ADH1B: variants seen among roughly 807,000 people sequenced by gnomAD.
ADH1B encodes all-trans-retinol dehydrogenase [NAD(+)] ADH1B.
In ADH1B, 29 loss-of-function variants were observed where a neutral mutation model predicts 34.6. The ratio of observed to expected loss-of-function variants is 0.84; its 90% CI spans 0.62 to 1.14. The LOEUF (loss-of-function observed/expected upper bound fraction) is 1.14. Ranked by LOEUF, ADH1B falls within the 50% of genes most tolerant of loss-of-function variation. ADH1B has a pLI of 0.00. For missense variants in ADH1B, 424 were observed against 468.4 expected (o/e 0.91, Z 0.87); for synonymous variants, 170 against 175.5 (o/e 0.97, Z 0.25).
chr4:99,311,724 A>G (rs549760304), intron 6 of ADH1B, 68 bp from the exon 7 acceptor site: 134 of 1,577,872 alleles, frequency 8.5e-5, no homozygotes, highest in Non-Finnish European at 1.1e-4. Context: ...AATGCACAAT[A>G]TCATGTAATA....
In ADH1B at chr4:99,307,849, C is replaced by T; in HGVS notation, c.1119G>A (p.Leu373=). The T allele has an allele frequency of 6.2e-7, 1 of 1,613,932 alleles. No homozygotes were observed. The highest frequency in any genetic ancestry group is 8.5e-7 in the Non-Finnish European group (1 of 1,179,886). The change falls in exon 9 of 9, where the codon CTG becomes CTA. Residue 373 remains leucine, a synonymous_variant. Transcript: ENST00000305046. The stretch of plus-strand genomic sequence containing the variant: ...AGGCATCTCTATTGCCTCAAAACGT[C>T]AGGACGGTACGGATACTGCAATAGG... The part of the protein sequence containing the change: ...LHSGKSIRTV[L]TF
At position 99,318,644 on chromosome 4, in the gene ADH1B, T is replaced by C; in HGVS notation, c.120+141A>G. Reference sequence around the variant, plus strand: ...AAAATTTAAAATTTATATTTATACCTTTCCTTGACAACAAATGTAATTTTA... The same window carrying C: ...AAAATTTAAAATTTATATTTATACCCTTCCTTGACAACAAATGTAATTTTA... On this transcript the variant is annotated intron_variant, in intron 2 of 8. Coordinates refer to ENST00000305046, the MANE Select transcript of ADH1B (RefSeq NM_000668.6). 4 of 825,166 alleles carry C rather than the reference T, an allele frequency of 4.8e-6. No homozygotes were observed. In the South Asian group the frequency reaches 8.5e-5, roughly 18 times the overall value. The allele number at this position is 825,166 out of a possible 1,614,324, so 51.1% of individuals were successfully genotyped here.
chr4:99,319,471 C>T (rs1378981201), intron 1 of ADH1B: 3 of 160,194 alleles, frequency 1.9e-5, no homozygotes, highest in Admixed American at 1.8e-4. Context: ...TGAAACTTAG[C>T]TTTGGCAGCC....
At chr4:99,310,661 C>T (rs1279405443) in intron 8 of ADH1B, 104 bp downstream of exon 8, 4 of 1,456,824 alleles carry the variant, frequency 2.7e-6, no homozygotes, top group Middle Eastern at 1.9e-4. Context: ...AATGGAAAAC[C>T]AAGGGACTCT....
Position 99,316,105 on chromosome 4 carries a change from A to C in ADH1B, c.360T>G (p.Pro120=). ...TGGTGCCATCCTGCAGGGTCCCCCGAGGATTGCCTAGACTGGGCAGTGCAA... is the reference window on the plus strand; with the variant it reads ...TGGTGCCATCCTGCAGGGTCCCCCGCGGATTGCCTAGACTGGGCAGTGCAA... ...NYCLKNDLGN[P]RGTLQDGTRR... Residue 120 remains proline, a synonymous_variant, in exon 5 of 9, where the codon CCT becomes CCG. Transcript: ENST00000305046. 10 of 1,614,160 alleles carry C rather than the reference A, an allele frequency of 6.2e-6. No homozygotes were observed. Among genetic ancestry groups the C allele is most frequent in the Non-Finnish European group, 8.5e-6 (10 of 1,180,012 alleles).
At position 99,305,001 on chromosome 4, in the gene ADH1B, T is replaced by G. The variant is rs1307945349; in HGVS notation, c.*2839A>C. ...TCTCATTTTGCTTTATTTTTTTTTT[T>G]GATCACACCAAGGCTCAGTGCCATT... On this transcript the variant is annotated 3_prime_UTR_variant, in exon 9 of 9. Coordinates refer to ENST00000305046, the MANE Select transcript of ADH1B (RefSeq NM_000668.6). 1 of 152,076 alleles carries G rather than the reference T, an allele frequency of 6.6e-6. No homozygotes were observed. The highest frequency in any genetic ancestry group is 1.9e-4 in the East Asian group (1 of 5,184). 9.4% of individuals were successfully genotyped at this position (152,076 alleles called of 1,614,324 possible).
rs147811380 is a variant in ADH1B at position 99,310,834 on chromosome 4, G to T, written c.1034C>A (p.Ala345Glu). The T allele has an allele frequency of 2.5e-6, 4 of 1,613,404 alleles. No homozygotes were observed. Among genetic ancestry groups the T allele is most frequent in the South Asian group, 1.1e-5 (1 of 90,996 alleles). ...AAAAGGTAAAACATGGGTTATTAAC[G>T]CATCCAGTGAAAACTTCTTAGCCAT... ...DFMAKKFSLD[A>E]LITHVLPFEK... The change falls in exon 8 of 9, where the codon GCG becomes GAG. Residue 345 changes from alanine (A) to glutamate (E), a missense_variant. Transcript: ENST00000305046.
chr4:99,313,543 A>C (rs563793514), intron 6 of ADH1B: 88 of 426,882 alleles, frequency 2.1e-4, no homozygotes, highest in African/African-American at 3.8e-4. Flanking sequence ...ATATTTTTTA[A>C]CTAAAAATTA....
At position 99,305,559 on chromosome 4, in the gene ADH1B, GTGTA is replaced by G. The variant is rs1297461535; in HGVS notation, c.*2277_*2280del. ...AACTATATGAACCACTTGCCCCATAGTGTATATATATATATATATATATATATAT... is the reference window on the plus strand; with the variant it reads ...AACTATATGAACCACTTGCCCCATAGTATATATATATATATATATATATAT... On this transcript the variant is annotated 3_prime_UTR_variant, in exon 9 of 9. Coordinates refer to ENST00000305046, the MANE Select transcript of ADH1B (RefSeq NM_000668.6). The G allele has an allele frequency of 0.012, 535 of 43,076 alleles. 85 individuals are homozygous for G. Among genetic ancestry groups the G allele is most frequent in the Non-Finnish European group, 0.016 (399 of 25,010 alleles). The allele number at this position is 43,076 out of a possible 1,614,324, so 2.7% of individuals were successfully genotyped here. A position where few individuals can be genotyped will look rare whatever the true frequency, so the allele number is the denominator to read the frequency against.
At chr4:99,319,186 C>T (rs1015863130) in intron 1 of ADH1B, 12 of 432,120 alleles carry the variant, frequency 2.8e-5, no homozygotes, top group African/African-American at 1.4e-4. Flanking sequence ...TTCCTAATGC[C>T]GTCCTGAAAA....
chr4:99,321,205 A>G (rs770112741), intron 1 of ADH1B, 109 bp downstream of exon 1: 1 of 983,668 alleles, frequency 1.0e-6, no homozygotes, highest in Non-Finnish European at 1.5e-6. Flanking sequence ...ATTTCAGCAT[A>G]TCATTTCTAA....
rs1244389425 is a variant in ADH1B, at chr4:99,311,455, T to C, written c.964+66A>G. ...TTGTAAAAGGGCATATATATTGAGA[T>C]TATATTGAGATTAATGAGATATATT... On this transcript the variant is annotated intron_variant, in intron 7 of 8. Coordinates refer to ENST00000305046, the MANE Select transcript of ADH1B (RefSeq NM_000668.6). 14 of 1,533,072 alleles carry C rather than the reference T, an allele frequency of 9.1e-6. No individual in the cohort carries two copies. The Admixed American group carries it at 1.1e-4, about 12-fold the overall frequency. The allele number at this position is 1,533,072 out of a possible 1,614,324, so 95.0% of individuals were successfully genotyped here.
In ADH1B at chr4:99,305,774, G is replaced by C. The variant is rs545572749; in HGVS notation, c.*2066C>G. 1 of 151,358 alleles carries C rather than the reference G, an allele frequency of 6.6e-6. No homozygotes were observed. Among genetic ancestry groups the C allele is most frequent in the East Asian group, 1.9e-4 (1 of 5,162 alleles). The allele number at this position is 151,358 out of a possible 1,614,324, so 9.4% of individuals were successfully genotyped here. On this transcript the variant is annotated 3_prime_UTR_variant, in exon 9 of 9. Transcript: ENST00000305046. ...ATGGCTCCCACTCTACCTGCTCCCC[G>C]AACCTGGGAGGAAGGCGGGTGGGAG...
At chr4:99,310,366 T>C (rs780682869) in intron 8 of ADH1B, 3 of 453,552 alleles carry the variant, frequency 6.6e-6, no homozygotes, top group South Asian at 4.8e-5. Flanking sequence ...CTGAAAATTA[T>C]TTAAATATGC....
Position 99,310,747 on chromosome 4 carries a change from A to C in ADH1B, c.1103+18T>G. On this transcript the variant is annotated intron_variant, in intron 8 of 8. Transcript: ENST00000305046. ...TGGTAGAAAAAAAAGCAAAACAGAA[A>C]ACTAACTTAAAATCTACCTTTTCCC... 1 of 1,599,038 alleles carries C rather than the reference A, an allele frequency of 6.3e-7. No homozygotes were observed. The highest frequency in any genetic ancestry group is 1.7e-4 in the Middle Eastern group (1 of 5,974).
chr4:99,319,003 C>A lies in ADH1B; in HGVS notation c.19-117G>T, dbSNP rs748253259. The A allele has an allele frequency of 1.1e-5, 12 of 1,113,188 alleles. No homozygotes were observed. The South Asian group carries it at 1.5e-4, about 14-fold the overall frequency. 69.0% of individuals were successfully genotyped at this position (1,113,188 alleles called of 1,614,324 possible). A position where few individuals can be genotyped will look rare whatever the true frequency, so the allele number is the denominator to read the frequency against. On this transcript the variant is annotated intron_variant, in intron 1 of 8. Transcript: ENST00000305046. ...TCCCATGTCTGGTACCTAACAAGTGCTCCATGGAAATGAAGTACTCTGGTT... is the reference window on the plus strand; with the variant it reads ...TCCCATGTCTGGTACCTAACAAGTGATCCATGGAAATGAAGTACTCTGGTT...
rs1733616381 is a variant in ADH1B, at chr4:99,306,622, TG to T, written c.*1217del. ...TCCTTTACCAGGAATAATCTTTGCA[TG>T]TCACATTTAGAGATAAAGCTCAAAA... is the stretch of plus-strand genomic sequence containing the variant. On this transcript the variant is annotated 3_prime_UTR_variant, in exon 9 of 9. Coordinates refer to ENST00000305046, the MANE Select transcript of ADH1B (RefSeq NM_000668.6). 1 of 152,182 alleles carries T rather than the reference TG, an allele frequency of 6.6e-6. No individual in the cohort carries two copies. Among genetic ancestry groups the T allele is most frequent in the African/African-American group, 2.4e-5 (1 of 41,442 alleles). 9.4% of individuals were successfully genotyped at this position (152,182 alleles called of 1,614,324 possible). A position where few individuals can be genotyped will look rare whatever the true frequency, so the allele number is the denominator to read the frequency against.
intron 5 of ADH1B, 115 bp from the exon 6 acceptor site, chr4:99,314,196 A>G: frequency 6.7e-7 from 1 of 1,492,526 alleles, no homozygotes. Context: ...TCTTTTGTCC[A>G]ACCGTTTATC....
chr4:99,318,378 C>A, intron 2 of ADH1B, 194 bp from the exon 3 acceptor site: 1 of 668,502 alleles, frequency 1.5e-6, no homozygotes, highest in East Asian at 3.0e-5. Context: ...ACCTTCCCTT[C>A]TTGAATTAAA....
Sources: gnomAD v4.1 joint callset for allele counts on GRCh38, gnomAD v4.1.1 for gene constraint, MANE v1.5 for transcripts, NCBI Gene and HGNC (gene_info 2026-07-23, HGNC 2026-07-21) for gene names.